The following MTHFD2L variants were observed in gnomAD, a reference collection of about 807,000 sequenced individuals.
MTHFD2L encodes bifunctional methylenetetrahydrofolate dehydrogenase/cyclohydrolase 2, mitochondrial.
Under a neutral mutation model 34.9 loss-of-function variants are expected in MTHFD2L, and 29 were observed. The ratio of observed to expected loss-of-function variants is 0.83; its 90% confidence interval spans 0.62 to 1.13. MTHFD2L has a LOEUF of 1.13. Ranked by LOEUF, MTHFD2L falls within the 50% of genes most tolerant of loss-of-function variation. MTHFD2L has a pLI of 0.00. For missense variants in MTHFD2L, 481 were observed against 446.5 expected, an observed-to-expected ratio of 1.08 and a Z score of -0.70; for synonymous variants, 167 against 155.7, an observed-to-expected ratio of 1.07 and a Z score of -0.54.
At chr4:74,251,916 T>C (rs1376352145) in intron 6 of MTHFD2L, among the ~76,000 whole-genome samples, 1 of 152,186 alleles carries the variant, frequency 6.6e-6, no homozygotes, top group Non-Finnish European at 1.5e-5. Context: ...GATGTCACCT[T>C]AATAAAAAGC....
intron 7 of MTHFD2L, among the ~76,000 whole-genome samples, chr4:74,284,780 G>T (rs1318381734): frequency 6.6e-6 from 1 of 152,204 alleles, no homozygotes; most frequent in African/African-American, 2.4e-5. Flanking sequence ...AAGTCAGTGT[G>T]GCGATTCCTC....
chr4:74,187,109 A>G (rs563991764), intron 3 of MTHFD2L, among the ~76,000 whole-genome samples: 63 of 152,332 alleles, frequency 4.1e-4, no homozygotes, highest in African/African-American at 1.4e-3. Flanking sequence ...AGATATTCAA[A>G]TGCAAAAGAA....
At chr4:74,155,047 CTG>C (rs368785179), upstream of MTHFD2L, among the ~76,000 whole-genome samples, 62 of 152,246 alleles carry the variant, frequency 4.1e-4, 1 homozygote, top group East Asian at 7.3e-3. Flanking sequence ...ATTTAAATAA[CTG>C]TTTAATTCTG....
intron 1 of MTHFD2L, among the ~76,000 whole-genome samples, chr4:74,165,278 C>T (rs1015855194): frequency 3.3e-5 from 5 of 152,176 alleles, no homozygotes; most frequent in African/African-American, 9.7e-5. Flanking sequence ...TGCATATTCA[C>T]ATGCTTGAAT....
intron 1 of MTHFD2L, among the ~76,000 whole-genome samples, chr4:74,167,946 C>A (rs1258711256): frequency 6.6e-6 from 1 of 152,096 alleles, no homozygotes; most frequent in East Asian, 1.9e-4. Flanking sequence ...TCAGTAACTC[C>A]CAAGGGTTCC....
rs559910229 is a variant in MTHFD2L at position 74,245,839 on chromosome 4, G to C, written c.805+20445G>C. Among the ~76,000 whole-genome samples, 71 of 151,480 alleles carry C rather than the reference G, an allele frequency of 4.7e-4. 1 individual carries two copies. Among genetic ancestry groups the C allele is most frequent in the African/African-American group, 1.6e-3 (67 of 41,204 alleles). On this transcript the variant is annotated intron_variant, in intron 6 of 7. Transcript: ENST00000325278. ...TTTTTATGGCTGCATAGTATTCCAT[G>C]GTGTATATGTGCCACATTTTCTTAA...
intron 5 of MTHFD2L, among the ~76,000 whole-genome samples, chr4:74,220,467 T>C (rs1371796): frequency 0.67 from 101,969 of 151,584 alleles, 35,656 homozygotes; most frequent in Middle Eastern, 0.8. Flanking sequence ...ATTACATACT[T>C]CCAAAAAGTT....
intron 1 of MTHFD2L, among the ~76,000 whole-genome samples, chr4:74,151,687 C>T (rs2109859284): frequency 6.6e-6 from 1 of 152,256 alleles, no homozygotes. Context: ...TTAAATCTTC[C>T]CCCATTTGAC....
chr4:74,263,910 A>T (rs1011855804), intron 6 of MTHFD2L, among the ~76,000 whole-genome samples: 1 of 152,072 alleles, frequency 6.6e-6, no homozygotes, highest in Admixed American at 6.6e-5. Flanking sequence ...ACCTTTGAAA[A>T]TCTGTCCATG....
intron 1 of MTHFD2L, among the ~76,000 whole-genome samples, chr4:74,150,638 T>A (rs1010465227): frequency 5.3e-5 from 8 of 152,176 alleles, no homozygotes; most frequent in African/African-American, 1.7e-4. Context: ...TATTTGCATA[T>A]TATTTTCTGC....
chr4:74,134,105 C>T (rs1178757641), intron 1 of MTHFD2L, among the ~76,000 whole-genome samples: 1 of 152,142 alleles, frequency 6.6e-6, no homozygotes, highest in East Asian at 1.9e-4. Context: ...CCAGCTTTCC[C>T]ATCTTCTTCG....
At chr4:74,200,603 G>A (rs113038848) in intron 4 of MTHFD2L, among the ~76,000 whole-genome samples, 30 of 152,132 alleles carry the variant, frequency 2.0e-4, no homozygotes, top group African/African-American at 6.0e-4. Flanking sequence ...TACTGGATAC[G>A]GTAATGCTCT....
intron 7 of MTHFD2L, among the ~76,000 whole-genome samples, chr4:74,285,476 A>C (rs928991360): frequency 6.6e-6 from 1 of 152,108 alleles, no homozygotes; most frequent in Admixed American, 6.6e-5. Flanking sequence ...ATGTTTCCAA[A>C]ATTTTAAATT....
intron 6 of MTHFD2L, among the ~76,000 whole-genome samples, chr4:74,255,120 A>T (rs1204194257): frequency 8.2e-6 from 1 of 122,126 alleles, no homozygotes; most frequent in Non-Finnish European, 1.6e-5. Flanking sequence ...AGGCAAAAAG[A>T]GCGAGACTCC....
intron 6 of MTHFD2L, among the ~76,000 whole-genome samples, chr4:74,239,772 A>T (rs1028273470): frequency 3.3e-5 from 5 of 152,196 alleles, no homozygotes; most frequent in Admixed American, 2.0e-4. Flanking sequence ...TAAGAATCAG[A>T]TATTACATTG....
chr4:74,115,390 G>A (rs1239782061), intron 2 of MTHFD2L, among the ~76,000 whole-genome samples: 1 of 152,214 alleles, frequency 6.6e-6, no homozygotes, highest in Admixed American at 6.5e-5. Flanking sequence ...ACTACAGCCA[G>A]TGTTCTTCTG....
chr4:74,174,112 G>C (rs1409010431), intron 1 of MTHFD2L, among the ~76,000 whole-genome samples: 1 of 152,152 alleles, frequency 6.6e-6, no homozygotes, highest in East Asian at 1.9e-4. Flanking sequence ...TCACATGGCA[G>C]AAGGCACAAG....
At chr4:74,258,399 C>T (rs1744286372) in intron 6 of MTHFD2L, among the ~76,000 whole-genome samples, 1 of 152,050 alleles carries the variant, frequency 6.6e-6, no homozygotes. Flanking sequence ...AACACACACA[C>T]ACACACACAC....
chr4:74,262,466 T>C (rs1200996466), intron 6 of MTHFD2L, among the ~76,000 whole-genome samples: 1 of 151,940 alleles, frequency 6.6e-6, no homozygotes, highest in Non-Finnish European at 1.5e-5. Context: ...TTTAGCATTT[T>C]ATTGGGAGAA....
Sources: allele counts gnomAD v4.1 joint callset (sites outside exome capture counted in the v4.1 genomes callset), GRCh38; gene constraint gnomAD v4.1.1; transcripts MANE v1.5; gene names NCBI Gene and HGNC (gene_info 2026-07-23, HGNC 2026-07-21).